Variants in GTF2A1 observed in about 807,000 individuals in gnomAD.
The protein encoded by GTF2A1 is transcription initiation factor IIA subunit 1.
A neutral mutation model predicts 54.1 loss-of-function variants in GTF2A1; 12 were observed. That is an observed-to-expected ratio of 0.22 (90% CI 0.14 to 0.36). The LOEUF (loss-of-function observed/expected upper bound fraction) is 0.36. GTF2A1 is among the 10% of genes least tolerant of loss of function. The pLI is 1.00. For missense variants in GTF2A1, 335 were observed against 442.2 expected (o/e 0.76, Z 2.17); for synonymous variants, 145 against 152.0 (o/e 0.95, Z 0.34).
Position 81,197,431 on chromosome 14 carries a change from A to G in GTF2A1, c.456T>C (p.Val152=), listed in dbSNP as rs1281740116. Residue 152 remains valine, a synonymous_variant, in exon 5 of 9, where the codon GTT becomes GTC. Coordinates refer to ENST00000553612, the MANE Select transcript of GTF2A1 (RefSeq NM_015859.4). ...TLALPAGVTP[V]QQILTNSGQL... is the part of the protein sequence containing the mutation. ...TACCTGAATTTGTTAATATCTGCTG[A>G]ACAGGAGTCACACCTGCAGGGAGTG... The G allele has an allele frequency of 6.3e-7, 1 of 1,576,574 alleles. No individual in the cohort carries two copies. The highest frequency in any genetic ancestry group is 8.7e-7 in the Non-Finnish European group (1 of 1,150,684).
In GTF2A1 at chr14:81,203,937, C is replaced by T. The variant is rs34717996; in HGVS notation, c.300G>A (p.Ala100=). ...CAGGAATAAGAACCTGCTGGGTCTG[C>T]GCTTGCTGAGGTACTGTCTGCTGAG... ...AQPQQTVPQQ[A]QTQQVLIPAS... is the part of the protein sequence containing the mutation. The change falls in exon 3 of 9, where the codon GCG becomes GCA. Residue 100 remains alanine (A), a synonymous_variant. Coordinates refer to ENST00000553612, the MANE Select transcript of GTF2A1 (RefSeq NM_015859.4). The T allele has an allele frequency of 1.4e-5, 23 of 1,613,892 alleles. No homozygotes were observed. In the East Asian group the frequency reaches 4.5e-4, roughly 31 times the overall value.
At chr14:81,191,146 T>C (rs1892867269) in intron 7 of GTF2A1, among the ~76,000 whole-genome samples, 1 of 151,778 alleles carries the variant, frequency 6.6e-6, no homozygotes, top group Non-Finnish European at 1.5e-5. Flanking sequence ...AATGAAATAA[T>C]ACTATTTTCT....
chr14:81,177,013 T>C lies in GTF2A1; in HGVS notation c.*3210A>G, dbSNP rs1892542971. 1 of 152,056 alleles carries C rather than the reference T, an allele frequency of 6.6e-6. No individual in the cohort carries two copies. Among genetic ancestry groups the C allele is most frequent in the South Asian group, 2.1e-4 (1 of 4,838 alleles). The allele number at this position is 152,056 out of a possible 1,614,324, so 9.4% of individuals were successfully genotyped here. ...TATGAGAATCAAAAATAGTATACTC[T>C]TAGAGGGAGACAACTCTTTTCATTC... On this transcript the variant is annotated 3_prime_UTR_variant, in exon 9 of 9. Transcript: ENST00000553612.
intron 4 of GTF2A1, among the ~76,000 whole-genome samples, chr14:81,198,074 A>T (rs1893028092): frequency 6.6e-6 from 1 of 152,228 alleles, no homozygotes; most frequent in Admixed American, 6.5e-5. Context: ...TTAGCAAAGA[A>T]AAAAGGGACA....
chr14:81,175,867 A>G lies in GTF2A1; in HGVS notation c.*4356T>C, dbSNP rs1316101907. On this transcript the variant is annotated 3_prime_UTR_variant, in exon 9 of 9. Coordinates refer to ENST00000553612, the MANE Select transcript of GTF2A1 (RefSeq NM_015859.4). ...AACAATGTTAATTATACCAATTTTT[A>G]GTTATAATTTGTTAGTGTGAATTCG... 1.3e-5 allele frequency: 2 copies of G among 152,174 alleles called. No homozygotes were observed. The highest frequency in any genetic ancestry group is 4.8e-5 in the African/African-American group (2 of 41,452). The allele number at this position is 152,174 out of a possible 1,614,324, so 9.4% of individuals were successfully genotyped here.
At chr14:81,183,086 A>G (rs1015729012) in intron 8 of GTF2A1, among the ~76,000 whole-genome samples, 2 of 152,156 alleles carry the variant, frequency 1.3e-5, no homozygotes, top group Non-Finnish European at 2.9e-5. Context: ...AATAAATCCT[A>G]ATTTATTATG....
rs976197918 is a variant in GTF2A1 at position 81,180,015 on chromosome 14, A to G, written c.*208T>C. ...ACACAAAACCCCAACCCTCCCACCC[A>G]AAAACCCTAGGTGCTACAGTTCCAT... On this transcript the variant is annotated 3_prime_UTR_variant, in exon 9 of 9. Transcript: ENST00000553612. 1.0e-4 allele frequency: 13 copies of G among 124,438 alleles called. No homozygotes were observed. Among genetic ancestry groups the G allele is most frequent in the African/African-American group, 4.0e-4 (13 of 32,364 alleles). 7.7% of individuals were successfully genotyped at this position (124,438 alleles called of 1,614,324 possible).
intron 7 of GTF2A1, among the ~76,000 whole-genome samples, chr14:81,190,452 T>C (rs1483427321): frequency 6.6e-6 from 1 of 152,050 alleles, no homozygotes; most frequent in Non-Finnish European, 1.5e-5. Context: ...AAGAGAAATA[T>C]AAAATGATCA....
At chr14:81,209,330 G>A (rs1271254628) in intron 2 of GTF2A1, among the ~76,000 whole-genome samples, 1 of 152,204 alleles carries the variant, frequency 6.6e-6, no homozygotes, top group Non-Finnish European at 1.5e-5. Context: ...TGCCAAGTAA[G>A]AAGAGCCTTT....
intron 7 of GTF2A1, among the ~76,000 whole-genome samples, chr14:81,188,923 C>T (rs1021298498): frequency 6.6e-6 from 1 of 152,178 alleles, no homozygotes; most frequent in Non-Finnish European, 1.5e-5. Flanking sequence ...TCCAACTTAA[C>T]TCTTTTGCAT....
intron 7 of GTF2A1, among the ~76,000 whole-genome samples, chr14:81,191,843 A>G (rs1892882693): frequency 6.6e-6 from 1 of 152,090 alleles, no homozygotes; most frequent in Admixed American, 6.6e-5. Context: ...TTTTCTTCAG[A>G]AAAAAAATTA....
intron 2 of GTF2A1, among the ~76,000 whole-genome samples, chr14:81,211,986 A>G: frequency 6.6e-6 from 1 of 150,414 alleles, no homozygotes; most frequent in Non-Finnish European, 1.5e-5. Context: ...ATGTCTAGAG[A>G]CATTTTTGGT....
chr14:81,183,029 C>A (rs143454381), intron 8 of GTF2A1, among the ~76,000 whole-genome samples: 1,560 of 152,280 alleles, frequency 0.01, 30 homozygotes, highest in African/African-American at 0.036. Flanking sequence ...TCCATACCGA[C>A]TATCAGCTTC....
intron 1 of GTF2A1, among the ~76,000 whole-genome samples, chr14:81,217,100 T>A (rs1893503592): frequency 6.6e-6 from 1 of 152,208 alleles, no homozygotes; most frequent in Non-Finnish European, 1.5e-5. Context: ...CTTCCCAGGA[T>A]TTCTCCTCTA....
intron 3 of GTF2A1, 144 bp from the exon 4 acceptor site, chr14:81,201,802 G>A: frequency 1.6e-6 from 1 of 634,340 alleles, no homozygotes. Context: ...TTCATCTCAG[G>A]ACATTATAAA....
At chr14:81,180,416 C>A (rs900134566) in intron 8 of GTF2A1, 86 bp from the exon 9 acceptor site, 2 of 680,744 alleles carry the variant, frequency 2.9e-6, no homozygotes, top group Non-Finnish European at 5.4e-6. Flanking sequence ...CACACACACA[C>A]GTACACACAC....
At chr14:81,214,089 T>C (rs1021991950) in intron 2 of GTF2A1, among the ~76,000 whole-genome samples, 1 of 152,238 alleles carries the variant, frequency 6.6e-6, no homozygotes, top group East Asian at 1.9e-4. Context: ...AATATTCTTA[T>C]TGAAAATTCT....
intron 2 of GTF2A1, among the ~76,000 whole-genome samples, chr14:81,208,497 G>A (rs1197152958): frequency 6.6e-6 from 1 of 152,232 alleles, no homozygotes; most frequent in Non-Finnish European, 1.5e-5. Context: ...AGAAATGTGG[G>A]GTCGGAGCCC....
rs1464240618 is a variant in GTF2A1 at position 81,185,603 on chromosome 14, T to C, written c.951A>G (p.Glu317=). ...GTCCTTCCTCATCACTCACATCATCTTCACTATTGAGGGGCTCCTACAAAT... is the reference window on the plus strand; with the variant it reads ...GTCCTTCCTCATCACTCACATCATCCTCACTATTGAGGGGCTCCTACAAAT... ...GQVEEEPLNS[E]DDVSDEEGQE... is the part of the protein sequence containing the mutation. The change falls in exon 8 of 9, where the codon GAA becomes GAG. Residue 317 remains glutamate, a synonymous_variant. Coordinates refer to ENST00000553612, the MANE Select transcript of GTF2A1 (RefSeq NM_015859.4). The C allele has an allele frequency of 1.3e-6, 2 of 1,589,610 alleles. No individual in the cohort carries two copies. Among genetic ancestry groups the C allele is most frequent in the Admixed American group, 3.3e-5 (2 of 59,980 alleles).
Sources: gnomAD v4.1 joint callset for allele counts (sites outside exome capture counted in the v4.1 genomes callset) on GRCh38, gnomAD v4.1.1 for gene constraint, MANE v1.5 for transcripts, NCBI Gene and HGNC (gene_info 2026-07-23, HGNC 2026-07-21) for gene names.